The following CCDC197 variants were observed in gnomAD, a reference collection of about 807,000 sequenced individuals.
The protein encoded by CCDC197 is uncharacterized protein CCDC197.
CCDC197 carries 24 observed loss-of-function variants against 13.4 expected under a neutral mutation model. The observed-to-expected ratio is 1.80, with a 90% CI of 1.30 to 2.53. The LOEUF is 2.53. CCDC197 is among the 30% of genes most tolerant of loss of function. The pLI, the probability that CCDC197 is intolerant of heterozygous loss-of-function variation, is 0.00. For synonymous variants in CCDC197, 99 were observed against 55.5 expected (o/e 1.78, Z -3.48); for missense variants, 255 against 148.8 (o/e 1.71, Z -3.71).
upstream of CCDC197, among the ~76,000 whole-genome samples, chr14:93,995,163 G>A (rs762923131): frequency 9.2e-5 from 14 of 152,166 alleles, no homozygotes; most frequent in Admixed American, 6.5e-4. Context: ...GAGCCAGACA[G>A]CATGCTCAGA....
intron 1 of CCDC197, among the ~76,000 whole-genome samples, chr14:93,991,067 TCAACCTTCATGC>T (rs1342435582): frequency 6.6e-6 from 1 of 152,184 alleles, no homozygotes; most frequent in African/African-American, 2.4e-5. Flanking sequence ...CACGACTCTA[TCAACCTTCATGC>T]CAACATTAAG....
chr14:94,009,336 C>T (rs1467784350), downstream of CCDC197, among the ~76,000 whole-genome samples: 2 of 152,134 alleles, frequency 1.3e-5, no homozygotes, highest in East Asian at 3.9e-4. Flanking sequence ...ACCTTCTGCC[C>T]ATCCTGCAGG....
chr14:94,004,820 CCTGAGCCA>C, intron 5 of CCDC197, 27 bp from the exon 6 acceptor site: 1 of 699,414 alleles, frequency 1.4e-6, no homozygotes, highest in Non-Finnish European at 2.6e-6. Flanking sequence ...TGGGAGAGAG[CCTGAGCCA>C]CCACCTCCTC....
At chr14:93,991,942 T>C (rs953577137) in intron 1 of CCDC197, among the ~76,000 whole-genome samples, 1 of 152,234 alleles carries the variant, frequency 6.6e-6, no homozygotes, top group African/African-American at 2.4e-5. Flanking sequence ...GTGAACTTCA[T>C]CTGTCATGTT....
chr14:93,994,443 G>C (rs1890251856), upstream of CCDC197, among the ~76,000 whole-genome samples: 2 of 152,164 alleles, frequency 1.3e-5, no homozygotes, highest in African/African-American at 4.8e-5. Flanking sequence ...AATGAAACGA[G>C]AGACTCCCAG....
rs138726634 is a variant in CCDC197, at chr14:93,999,584, C to T, written c.106C>T (p.Gln36Ter). 260 of 780,768 alleles carry T rather than the reference C, an allele frequency of 3.3e-4. No individual in the cohort carries two copies. The highest frequency in any genetic ancestry group is 5.5e-4 in the Non-Finnish European group (232 of 418,128). 48.4% of individuals were successfully genotyped at this position (780,768 alleles called of 1,614,324 possible). ...WQELYQLQAK[Q>*]KKLKREVEKH... ...ATGTTCCTGCATCTGGCTCTACAGG[C>T]AGAAGAAGCTCAAGAGAGAAGTCGA... The change falls in exon 3 of 7, where the codon CAG (glutamine) becomes TAG (stop). Residue 36 changes from glutamine (Q) to a stop codon, truncating the protein, a stop_gained and splice_region_variant. Coordinates refer to ENST00000636493, the MANE Select transcript of CCDC197 (RefSeq NM_001351596.2). LOFTEE classifies it high-confidence loss of function.
chr14:94,000,796 G>A (rs905768798), intron 3 of CCDC197: 17 of 185,466 alleles, frequency 9.2e-5, no homozygotes, highest in East Asian at 1.5e-4. Context: ...GCACTTGCTC[G>A]CTCAGGACAG....
intron 3 of CCDC197, 109 bp from the exon 4 acceptor site, chr14:94,001,035 CT>C (rs1890481031): frequency 3.2e-6 from 2 of 616,406 alleles, no homozygotes; most frequent in East Asian, 5.6e-5. Context: ...CTGTCATGGA[CT>C]GTCTGGCACC....
In CCDC197 at chr14:93,998,811, C is replaced by A. The variant is rs533165100; in HGVS notation, c.104+576C>A. The stretch of plus-strand genomic sequence containing the variant: ...CTGTGGGAAGGATGATGTTGTCCTG[C>A]ACTTTTCAGAATCATACGGATGAGA... On this transcript the variant is annotated intron_variant, in intron 2 of 6. Coordinates refer to ENST00000636493, the MANE Select transcript of CCDC197 (RefSeq NM_001351596.2). Among the ~76,000 whole-genome samples, 8 of 152,318 alleles carry A rather than the reference C, an allele frequency of 5.3e-5. No individual in the cohort carries two copies. The South Asian group carries it at 1.7e-3, about 32-fold the overall frequency.
At chr14:93,999,111 T>C (rs997544226) in intron 2 of CCDC197, among the ~76,000 whole-genome samples, 11 of 152,192 alleles carry the variant, frequency 7.2e-5, no homozygotes, top group Admixed American at 4.6e-4. Context: ...CCACCTCTGA[T>C]GGAGTGCCCC....
chr14:94,009,194 G>A (rs148493965), downstream of CCDC197, among the ~76,000 whole-genome samples: 589 of 152,312 alleles, frequency 3.9e-3, 7 homozygotes, highest in African/African-American at 0.013. Context: ...ACAGGACACT[G>A]TAAAGAGCCA....
chr14:93,994,743 T>C (rs914907625), upstream of CCDC197, among the ~76,000 whole-genome samples: 1 of 152,206 alleles, frequency 6.6e-6, no homozygotes, highest in Admixed American at 6.5e-5. Context: ...CCTGGAATTT[T>C]TGAGCGTGGG....
chr14:94,002,080 G>A (rs909588740), intron 4 of CCDC197, among the ~76,000 whole-genome samples: 13 of 152,270 alleles, frequency 8.5e-5, no homozygotes, highest in Middle Eastern at 3.4e-3. Context: ...TAAATATCAC[G>A]CCAGCACCTC....
intron 1 of CCDC197, among the ~76,000 whole-genome samples, chr14:93,990,603 C>A (rs535779428): frequency 6.6e-6 from 1 of 152,262 alleles, no homozygotes; most frequent in South Asian, 2.1e-4. Flanking sequence ...TCAGGTAGTC[C>A]CATGGGAGAT....
intron 6 of CCDC197, among the ~76,000 whole-genome samples, chr14:94,006,281 A>T (rs1890676104): frequency 6.6e-6 from 1 of 151,834 alleles, no homozygotes; most frequent in African/African-American, 2.4e-5. Flanking sequence ...TCATGTGCTT[A>T]TTGGCCATGT....
rs374447578 is a variant in CCDC197, at chr14:93,999,551, T to C, written c.105-32T>C. ...GGGGGTCCTGCGTGACCTGGGAGCC[T>C]CCAGGCCATGTTCCTGCATCTGGCT... On this transcript the variant is annotated intron_variant, in intron 2 of 6. Coordinates refer to ENST00000636493, the MANE Select transcript of CCDC197 (RefSeq NM_001351596.2). The C allele has an allele frequency of 5.3e-5, 41 of 780,174 alleles. No individual in the cohort carries two copies. In the African/African-American group the frequency reaches 6.4e-4, roughly 12 times the overall value. The allele number at this position is 780,174 out of a possible 1,614,324, so 48.3% of individuals were successfully genotyped here.
chr14:94,004,331 T>C (rs2141378148), intron 5 of CCDC197, among the ~76,000 whole-genome samples: 1 of 152,288 alleles, frequency 6.6e-6, no homozygotes, highest in Admixed American at 6.5e-5. Context: ...GATGAGGTCA[T>C]GGAGTGAGTG....
chr14:93,995,130 G>A (rs1567040713), upstream of CCDC197, among the ~76,000 whole-genome samples: 2 of 152,092 alleles, frequency 1.3e-5, no homozygotes, highest in South Asian at 2.1e-4. Context: ...CCGCTGCCAC[G>A]CTGCCAGCCT....
upstream of CCDC197, among the ~76,000 whole-genome samples, chr14:93,994,066 A>G (rs568583589): frequency 8.1e-4 from 124 of 152,286 alleles, no homozygotes; most frequent in African/African-American, 2.9e-3. Context: ...AGGAAGAGCC[A>G]GGGCGGTGAA....
Sources: allele counts gnomAD v4.1 joint callset (sites outside exome capture counted in the v4.1 genomes callset), GRCh38; gene constraint gnomAD v4.1.1; transcripts MANE v1.5; gene names NCBI Gene and HGNC (gene_info 2026-07-23, HGNC 2026-07-21).